The following PAWR variants were observed in gnomAD, a reference collection of about 807,000 sequenced individuals.
The protein encoded by PAWR is PRKC apoptosis WT1 regulator protein.
In PAWR, 23 loss-of-function variants were observed where a neutral mutation model predicts 32.0. The ratio of observed to expected loss-of-function variants is 0.72; its 90% CI spans 0.52 to 1.02. PAWR has a LOEUF of 1.02. PAWR is among the 50% of genes least tolerant of loss of function. The probability of loss-of-function intolerance (pLI) is 0.00; values close to 1 mark genes in which losing one functional copy is unlikely to be tolerated. For synonymous variants in PAWR, 226 were observed against 187.1 expected, an observed-to-expected ratio of 1.21 and a Z score of -1.70; for missense variants, 457 against 437.7, an observed-to-expected ratio of 1.04 and a Z score of -0.39.
intron 2 of PAWR, among the ~76,000 whole-genome samples, chr12:79,626,401 A>G (rs1875321301): frequency 6.7e-6 from 1 of 148,424 alleles, no homozygotes; most frequent in South Asian, 2.2e-4. Flanking sequence ...CTGGGACTAC[A>G]GGCGCCCACC....
chr12:79,606,022 C>T (rs977442951), intron 4 of PAWR, among the ~76,000 whole-genome samples: 1 of 151,956 alleles, frequency 6.6e-6, no homozygotes, highest in Non-Finnish European at 1.5e-5. Flanking sequence ...TGCAGTGAGC[C>T]GAGATTGCAC....
At chr12:79,628,699 C>G (rs1875461495) in intron 2 of PAWR, among the ~76,000 whole-genome samples, 1 of 151,894 alleles carries the variant, frequency 6.6e-6, no homozygotes, top group African/African-American at 2.4e-5. Flanking sequence ...TGGAACCACT[C>G]AAAGGAATGA....
At chr12:79,613,666 T>C in intron 3 of PAWR, 57 bp from the exon 4 acceptor site, 2 of 862,448 alleles carry the variant, frequency 2.3e-6, no homozygotes, top group Non-Finnish European at 3.7e-6. Flanking sequence ...CAATTACTTA[T>C]TATATAAAAT....
At chr12:79,688,914 A>G (rs975793773) in intron 2 of PAWR, among the ~76,000 whole-genome samples, 3 of 152,204 alleles carry the variant, frequency 2.0e-5, no homozygotes, top group Non-Finnish European at 4.4e-5. Flanking sequence ...TGTTTCTGGT[A>G]GAGGGAGGTG....
At chr12:79,664,009 T>C (rs17005779) in intron 2 of PAWR, among the ~76,000 whole-genome samples, 2,864 of 152,188 alleles carry the variant, frequency 0.019, 102 homozygotes, top group African/African-American at 0.065. Flanking sequence ...AAATATGAAA[T>C]TGCCAATGTG....
chr12:79,634,080 A>C (rs1304823823), intron 2 of PAWR, among the ~76,000 whole-genome samples: 2 of 152,194 alleles, frequency 1.3e-5, no homozygotes, highest in Non-Finnish European at 1.5e-5. Flanking sequence ...TGAAATCCCC[A>C]AATACAGTTT....
Position 79,590,570 on chromosome 12 carries a change from T to G in PAWR, c.*2037A>C, listed in dbSNP as rs184022390. 2.6e-5 allele frequency: 4 copies of G among 152,142 alleles called. No individual in the cohort carries two copies. The highest frequency in any genetic ancestry group is 9.7e-5 in the African/African-American group (4 of 41,410). The allele number at this position is 152,142 out of a possible 1,614,324, so 9.4% of individuals were successfully genotyped here. On this transcript the variant is annotated 3_prime_UTR_variant, in exon 7 of 7. Coordinates refer to ENST00000328827, the MANE Select transcript of PAWR (RefSeq NM_002583.4). ...ATTTACATATGAATTAAATAGAAAA[T>G]TCAAAGTAATTCTTTTAATAAAAAC...
intron 2 of PAWR, among the ~76,000 whole-genome samples, chr12:79,680,535 G>A (rs966753412): frequency 3.3e-5 from 5 of 152,238 alleles, no homozygotes; most frequent in Middle Eastern, 3.4e-3. Flanking sequence ...CATTGACAAA[G>A]TTTTTGAGTG....
intron 2 of PAWR, among the ~76,000 whole-genome samples, chr12:79,624,105 C>T (rs1875163398): frequency 6.6e-6 from 1 of 152,140 alleles, no homozygotes; most frequent in African/African-American, 2.4e-5. Flanking sequence ...AAATCCCTCA[C>T]CTAGGCTCCA....
chr12:79,658,224 T>C lies in PAWR; in HGVS notation c.516+31505A>G, dbSNP rs118125701. Among the ~76,000 whole-genome samples the C allele has an allele frequency of 1.2e-3, 186 of 152,308 alleles. 3 individuals carry two copies. In the East Asian group the frequency reaches 0.029, roughly 24 times the overall value. On this transcript the variant is annotated intron_variant, in intron 2 of 6. Transcript: ENST00000328827. The stretch of plus-strand genomic sequence containing the variant: ...ACCTGGCATTGGCACCCTCCTAATA[T>C]GTTATATTCAATATAAACAATAATT...
chr12:79,686,460 A>G lies in PAWR; in HGVS notation c.516+3269T>C, dbSNP rs183911983. Among the ~76,000 whole-genome samples, 9 of 152,252 alleles carry G rather than the reference A, an allele frequency of 5.9e-5. No homozygotes were observed. The East Asian group carries it at 1.7e-3, about 29-fold the overall frequency. On this transcript the variant is annotated intron_variant, in intron 2 of 6. Coordinates refer to ENST00000328827, the MANE Select transcript of PAWR (RefSeq NM_002583.4). ...GTCCAACAGTTGTTATCACTGACTC[A>G]CATTTGAATCAAATGGGGAACTTAT... is the stretch of plus-strand genomic sequence containing the variant.
intron 2 of PAWR, among the ~76,000 whole-genome samples, chr12:79,629,542 A>T (rs1286391122): frequency 1.3e-5 from 2 of 152,168 alleles, no homozygotes; most frequent in African/African-American, 4.8e-5. Context: ...GGAGATTTCA[A>T]CACTTCTCTA....
At chr12:79,604,528 AG>A (rs1874092001) in intron 4 of PAWR, 1 of 1,169,816 alleles carries the variant, frequency 8.5e-7, no homozygotes, top group Non-Finnish European at 1.1e-6. Context: ...ACAAGACTCA[AG>A]GGTAAATCCT....
chr12:79,643,023 C>T (rs1283593422), intron 2 of PAWR, among the ~76,000 whole-genome samples: 1 of 152,040 alleles, frequency 6.6e-6, no homozygotes. Context: ...TTTTTGGTTC[C>T]TGCTATATTC....
chr12:79,689,935 C>T lies in PAWR; in HGVS notation c.310G>A (p.Gly104Ser). The change falls in exon 2 of 7, where the codon GGC (glycine) becomes AGC (serine). Residue 104 changes from glycine to serine, a missense_variant. Physicochemically the swap from Gly to Ser is moderately conservative, Grantham distance 56 (BLOSUM62 0). Coordinates refer to ENST00000328827, the MANE Select transcript of PAWR (RefSeq NM_002583.4). ...GSAMLTRAAP[G>S]PRRSEDEPPA... is the part of the protein sequence containing the mutation. ...GGCTCGTCCTCCGACCGCCGCGGGC[C>T]GGGGGCCGCCCGCGTCAGCATGGCG... 7.1e-7 allele frequency: 1 copy of T among 1,407,272 alleles called. No individual in the cohort carries two copies. The highest frequency in any genetic ancestry group is 3.4e-5 in the Admixed American group (1 of 29,816). The allele number at this position is 1,407,272 out of a possible 1,614,324, so 87.2% of individuals were successfully genotyped here. A position where few individuals can be genotyped will look rare whatever the true frequency, so the allele number is the denominator to read the frequency against.
At chr12:79,603,644 T>C (rs1215481666) in intron 4 of PAWR, 2 of 150,110 alleles carry the variant, frequency 1.3e-5, no homozygotes, top group Admixed American at 1.3e-4. Context: ...GACTTGTCAA[T>C]ACATAAACGG....
At chr12:79,627,340 G>A (rs1875383786) in intron 2 of PAWR, among the ~76,000 whole-genome samples, 1 of 152,188 alleles carries the variant, frequency 6.6e-6, no homozygotes, top group African/African-American at 2.4e-5. Context: ...CTGATGGCCA[G>A]TGATGATGAG....
At chr12:79,653,487 T>A (rs1876951662) in intron 2 of PAWR, among the ~76,000 whole-genome samples, 1 of 152,102 alleles carries the variant, frequency 6.6e-6, no homozygotes, top group African/African-American at 2.4e-5. Flanking sequence ...GTGTTTTGTT[T>A]GTTTGTTTTG....
intron 4 of PAWR, among the ~76,000 whole-genome samples, chr12:79,607,573 T>C (rs1874238127): frequency 6.6e-6 from 1 of 151,376 alleles, no homozygotes; most frequent in Non-Finnish European, 1.5e-5. Context: ...TACAAAAAAT[T>C]TAAAAATTAG....
Sources: gnomAD v4.1 joint callset for allele counts (sites outside exome capture counted in the v4.1 genomes callset) on GRCh38, gnomAD v4.1.1 for gene constraint, MANE v1.5 for transcripts, NCBI Gene and HGNC (gene_info 2026-07-23, HGNC 2026-07-21) for gene names.